TENM2: variants seen among roughly 807,000 people sequenced by gnomAD.
TENM2 encodes the protein teneurin-2.
Under a neutral mutation model 245.2 loss-of-function variants are expected in TENM2, and 52 were observed. That is an observed-to-expected ratio of 0.21 (90% CI 0.17 to 0.27). TENM2 has a LOEUF of 0.27. Among genes scored for constraint, TENM2 ranks in the 10% least tolerant of loss-of-function variants. The probability of loss-of-function intolerance (pLI) is 1.00; values close to 1 mark genes in which losing one functional copy is unlikely to be tolerated. For missense variants in TENM2, 3,046 were observed against 3,666.8 expected, an observed-to-expected ratio of 0.83 and a Z score of 4.37; for synonymous variants, 1,363 against 1,438.9, an observed-to-expected ratio of 0.95 and a Z score of 1.19.
At chr5:167,419,145 A>G (rs977716821) in intron 2 of TENM2, among the ~76,000 whole-genome samples, 1 of 152,072 alleles carries the variant, frequency 6.6e-6, no homozygotes, top group African/African-American at 2.4e-5. Flanking sequence ...AGATAGATAG[A>G]TAGATAGATA....
At chr5:167,113,679 G>C in the TENM2 span, among the ~76,000 whole-genome samples, 2 of 151,308 alleles carry the variant, frequency 1.3e-5, no homozygotes, top group Non-Finnish European at 2.9e-5. Flanking sequence ...CATGGGAAAT[G>C]TCAGACTCCT....
chr5:167,903,940 C>G (rs766441078), intron 3 of TENM2, among the ~76,000 whole-genome samples: 1 of 152,108 alleles, frequency 6.6e-6, no homozygotes, highest in Non-Finnish European at 1.5e-5. Context: ...AAATATCACT[C>G]TGGCTGAATA....
chr5:167,134,226 AAC>A, the TENM2 span, among the ~76,000 whole-genome samples: 1 of 152,268 alleles, frequency 6.6e-6, no homozygotes, highest in African/African-American at 2.4e-5. Flanking sequence ...TAATAGCAAA[AAC>A]ATTTTCATAT....
In TENM2 at chr5:167,813,811, T is replaced by C. The variant is rs555472188; in HGVS notation, c.503-62175T>C. On this transcript the variant is annotated intron_variant, in intron 2 of 28. Coordinates refer to ENST00000518659, the Ensembl canonical transcript of TENM2. ...TCAGCTTTCTAAATTGAGAAGGTGA[T>C]GAATTTTTAAATCCTTGAACCTGTG... Among the ~76,000 whole-genome samples, 3 of 152,290 alleles carry C rather than the reference T, an allele frequency of 2.0e-5. No homozygotes were observed. In the East Asian group the frequency reaches 5.8e-4, roughly 29 times the overall value.
At chr5:167,900,034 A>G (rs1319519233) in intron 3 of TENM2, among the ~76,000 whole-genome samples, 1 of 149,858 alleles carries the variant, frequency 6.7e-6, no homozygotes, top group Non-Finnish European at 1.5e-5. Flanking sequence ...ATGCCAGGAA[A>G]AATTCATTTC....
intron 2 of TENM2, among the ~76,000 whole-genome samples, chr5:167,379,979 T>G (rs1761002034): frequency 6.7e-6 from 1 of 149,408 alleles, no homozygotes; most frequent in Admixed American, 6.7e-5. Flanking sequence ...TTGGATGACA[T>G]TGATTTCAAT....
At chr5:168,090,186 G>A (rs1380426170) in intron 7 of TENM2, among the ~76,000 whole-genome samples, 1 of 150,734 alleles carries the variant, frequency 6.6e-6, no homozygotes, top group Non-Finnish European at 1.5e-5. Context: ...TGCAGAGGGG[G>A]ACTGGAGCAA....
In TENM2 at chr5:168,244,380, G is replaced by A; in HGVS notation, c.5521-40G>A. 1 of 1,454,332 alleles carries A rather than the reference G, an allele frequency of 6.9e-7. No individual in the cohort carries two copies. The highest frequency in any genetic ancestry group is 9.2e-7 in the Non-Finnish European group (1 of 1,088,818). The allele number at this position is 1,454,332 out of a possible 1,614,324, so 90.1% of individuals were successfully genotyped here. On this transcript the variant is annotated intron_variant, in intron 25 of 28. Transcript: ENST00000518659. The surrounding 1 kb of genome is among the most constrained non-coding windows in gnomAD (Gnocchi z 4.9). Reference sequence around the variant, plus strand: ...CACAGAAGCCTGAGCCGGCATGCCTGGGTGATGTCTTTCAAACAAGGCCTG... The same window carrying A: ...CACAGAAGCCTGAGCCGGCATGCCTAGGTGATGTCTTTCAAACAAGGCCTG...
intron 7 of TENM2, among the ~76,000 whole-genome samples, chr5:168,080,572 C>A (rs1791902660): frequency 6.6e-6 from 1 of 152,124 alleles, no homozygotes; most frequent in South Asian, 2.1e-4. Context: ...GCATTTAGTG[C>A]TATAAATTTC....
the TENM2 span, among the ~76,000 whole-genome samples, chr5:167,015,003 G>T: frequency 6.6e-6 from 1 of 152,154 alleles, no homozygotes; most frequent in Non-Finnish European, 1.5e-5. Flanking sequence ...AAACCATCAT[G>T]CAAACCTGTT....
At chr5:167,448,287 T>C (rs1765354342) in intron 2 of TENM2, among the ~76,000 whole-genome samples, 1 of 151,912 alleles carries the variant, frequency 6.6e-6, no homozygotes, top group Non-Finnish European at 1.5e-5. Context: ...ATGGTGAGGG[T>C]GGTGGAAGAA....
At chr5:167,777,877 G>A (rs974948796) in intron 2 of TENM2, among the ~76,000 whole-genome samples, 3 of 152,194 alleles carry the variant, frequency 2.0e-5, no homozygotes, top group African/African-American at 4.8e-5. Flanking sequence ...GTGTGTGCTT[G>A]TCCGAATTCT....
chr5:168,208,712 A>G (rs912771757), intron 19 of TENM2, among the ~76,000 whole-genome samples: 1 of 152,270 alleles, frequency 6.6e-6, no homozygotes, highest in African/African-American at 2.4e-5. Flanking sequence ...CAATGTCCCC[A>G]TAAAATTTTG....
At chr5:168,021,919 A>T (rs1318839519) in intron 5 of TENM2, among the ~76,000 whole-genome samples, 1 of 152,192 alleles carries the variant, frequency 6.6e-6, no homozygotes, top group Admixed American at 6.5e-5. Flanking sequence ...AAGTGGTAAC[A>T]GGCCCTTTCT....
chr5:168,218,979 A>G lies in TENM2; in HGVS notation c.5088A>G (p.Thr1696=), dbSNP rs747056734. 1.9e-6 allele frequency: 3 copies of G among 1,613,444 alleles called. No homozygotes were observed. In the East Asian group the frequency reaches 6.7e-5, roughly 36 times the overall value. The change falls in exon 23 of 29, where the codon ACA becomes ACG. Residue 1696 remains threonine (T), a synonymous_variant. Transcript: ENST00000518659. This position sits in a 1 kb window ranked among gnomAD's most constrained non-coding sequence, Gnocchi z 5.2. ...TCCTGGCCACCAAGAGCGATGAAACAGGATGGACGACTTTCTATGAGTAAG... is the reference window on the plus strand; with the variant it reads ...TCCTGGCCACCAAGAGCGATGAAACGGGATGGACGACTTTCTATGAGTAAG...
the TENM2 span, among the ~76,000 whole-genome samples, chr5:167,093,945 G>T: frequency 6.6e-6 from 1 of 152,182 alleles, no homozygotes; most frequent in Non-Finnish European, 1.5e-5. Context: ...CTGACCCAGT[G>T]GATGACGGGA....
At chr5:167,422,547 C>T (rs1763573414) in intron 2 of TENM2, among the ~76,000 whole-genome samples, 1 of 152,200 alleles carries the variant, frequency 6.6e-6, no homozygotes, top group African/African-American at 2.4e-5. Context: ...TCTCTGTCCA[C>T]ATTGGAGTAT....
intron 2 of TENM2, among the ~76,000 whole-genome samples, chr5:167,667,739 C>T (rs950438156): frequency 6.6e-6 from 1 of 152,190 alleles, no homozygotes; most frequent in African/African-American, 2.4e-5. Flanking sequence ...ATGTATGTCG[C>T]TGATAAGAGG....
chr5:167,090,341 C>G, the TENM2 span, among the ~76,000 whole-genome samples: 5 of 149,764 alleles, frequency 3.3e-5, no homozygotes, highest in South Asian at 4.2e-4. Flanking sequence ...TCTCTATTCT[C>G]TTAGTCATTA....
Sources: allele counts gnomAD v4.1 joint callset (sites outside exome capture counted in the v4.1 genomes callset), GRCh38; gene constraint gnomAD v4.1.1; non-coding constraint Gnocchi (gnomAD v3.1); transcripts MANE v1.5; gene names NCBI Gene and HGNC (gene_info 2026-07-23, HGNC 2026-07-21).